PRKAG2: variants seen among roughly 807,000 people sequenced by gnomAD.
The protein encoded by PRKAG2 is protein kinase AMP-activated non-catalytic subunit gamma 2, also known as 5'-AMP-activated protein kinase subunit gamma-2.
PRKAG2 carries 26 observed loss-of-function variants against 69.6 expected under a neutral mutation model. That is an observed-to-expected ratio of 0.37 (90% CI 0.27 to 0.52). PRKAG2 has a LOEUF of 0.52. Among genes scored for constraint, PRKAG2 ranks in the 20% least tolerant of loss-of-function variants. PRKAG2 has a pLI of 0.90. For synonymous variants in PRKAG2, 293 were observed against 285.0 expected, an observed-to-expected ratio of 1.03 and a Z score of -0.28; for missense variants, 557 against 740.0, an observed-to-expected ratio of 0.75 and a Z score of 2.87.
chr7:151,873,955 GATGTAT>G (rs906797652), intron 1 of PRKAG2, among the ~76,000 whole-genome samples: 247 of 149,342 alleles, frequency 1.7e-3, no homozygotes, highest in African/African-American at 4.3e-3. Flanking sequence ...CTAGGTGTCT[GATGTAT>G]ATGTATATGT....
intron 5 of PRKAG2, among the ~76,000 whole-genome samples, chr7:151,598,106 C>G (rs966166636): frequency 1.3e-5 from 2 of 152,138 alleles, no homozygotes; most frequent in Non-Finnish European, 2.9e-5. Flanking sequence ...TACCTATAAA[C>G]AATGGAGTAC....
intron 6 of PRKAG2, among the ~76,000 whole-genome samples, chr7:151,581,033 C>A (rs1203385393): frequency 2.6e-5 from 4 of 151,972 alleles, no homozygotes; most frequent in African/African-American, 9.7e-5. Flanking sequence ...ACAATGTATG[C>A]CTGTATCAAA....
Position 151,667,762 on chromosome 7 carries a change from G to A in PRKAG2, c.684+7658C>T, listed in dbSNP as rs73481958. Among the ~76,000 whole-genome samples, 443 of 152,332 alleles carry A rather than the reference G, an allele frequency of 2.9e-3. 1 individual carries two copies. Among genetic ancestry groups the A allele is most frequent in the African/African-American group, 0.01 (427 of 41,568 alleles). On this transcript the variant is annotated intron_variant, in intron 4 of 15. Coordinates refer to ENST00000287878, the MANE Select transcript of PRKAG2 (RefSeq NM_016203.4). ...GCTGGAAAAGAGACCATGTGGAATT[G>A]AGACAAGTTAGCTGTTCCTGCCGAG... is the stretch of plus-strand genomic sequence containing the variant.
intron 4 of PRKAG2, among the ~76,000 whole-genome samples, chr7:151,656,730 C>G (rs1829472301): frequency 6.6e-6 from 1 of 152,216 alleles, no homozygotes; most frequent in Admixed American, 6.5e-5. Flanking sequence ...TGTGTTTTCT[C>G]TTTTGATGTT....
intron 6 of PRKAG2, among the ~76,000 whole-genome samples, chr7:151,576,789 C>G (rs961490642): frequency 6.6e-6 from 1 of 152,182 alleles, no homozygotes. Context: ...GCGTGAGCCA[C>G]CGCACCTGGC....
Position 151,814,863 on chromosome 7 carries a change from G to A in PRKAG2, c.115-28322C>T. ...CCCACCTGTGTCAGGCGCTGCTGGG[G>A]AGGAAACTCCTTACCACACAGCAAG... On this transcript the variant is annotated intron_variant, in intron 1 of 15. Transcript: ENST00000287878. The surrounding 1 kb of genome is among the most constrained non-coding windows in gnomAD (Gnocchi z 4.8). The A allele has an allele frequency of 8.1e-7, 1 of 1,231,786 alleles. No individual in the cohort carries two copies. The highest frequency in any genetic ancestry group is 1.0e-6 in the Non-Finnish European group (1 of 988,006). The allele number at this position is 1,231,786 out of a possible 1,614,324, so 76.3% of individuals were successfully genotyped here.
intron 1 of PRKAG2, among the ~76,000 whole-genome samples, chr7:151,791,267 T>C (rs1020393101): frequency 6.6e-6 from 1 of 152,186 alleles, no homozygotes; most frequent in Non-Finnish European, 1.5e-5. Flanking sequence ...ACTGCAACTA[T>C]GGCAACTAGA....
chr7:151,647,908 T>G (rs1827833836), intron 4 of PRKAG2, among the ~76,000 whole-genome samples: 1 of 152,196 alleles, frequency 6.6e-6, no homozygotes, highest in Admixed American at 6.5e-5. Flanking sequence ...TCAGAGGTAC[T>G]GCAGAGATAA....
At chr7:151,869,211 C>T (rs2080154830) in intron 1 of PRKAG2, among the ~76,000 whole-genome samples, 1 of 152,168 alleles carries the variant, frequency 6.6e-6, no homozygotes, top group Admixed American at 6.5e-5. Flanking sequence ...CTGGCTGCTG[C>T]TTCTGTTTAT....
chr7:151,643,004 A>G (rs765449206), intron 4 of PRKAG2, among the ~76,000 whole-genome samples: 2 of 152,260 alleles, frequency 1.3e-5, no homozygotes, highest in Non-Finnish European at 2.9e-5. Context: ...AGATATGAAG[A>G]AGGAGCTCAA....
At chr7:151,557,771 G>C (rs1207563828) in intron 15 of PRKAG2, 2 of 538,960 alleles carry the variant, frequency 3.7e-6, no homozygotes, top group Admixed American at 6.4e-5. Context: ...TTGGGAGACT[G>C]AGGCAGGAGA....
intron 1 of PRKAG2, among the ~76,000 whole-genome samples, chr7:151,830,118 GTTT>G (rs112012814): frequency 0.25 from 35,683 of 141,612 alleles, 4,776 homozygotes; most frequent in Middle Eastern, 0.29. Context: ...GTTCCACCTG[GTTT>G]TTTTTTTTTT....
At chr7:151,834,839 G>A (rs868360338) in intron 1 of PRKAG2, among the ~76,000 whole-genome samples, 72 of 152,338 alleles carry the variant, frequency 4.7e-4, no homozygotes, top group African/African-American at 7.7e-4. Context: ...CCGGAAGTCC[G>A]AGATCAAGGT....
At chr7:151,870,245 C>T (rs1205129683) in intron 1 of PRKAG2, among the ~76,000 whole-genome samples, 1 of 151,932 alleles carries the variant, frequency 6.6e-6, no homozygotes, top group South Asian at 2.1e-4. Flanking sequence ...AACAGTATTA[C>T]ACCAGGGAAG....
intron 6 of PRKAG2, among the ~76,000 whole-genome samples, chr7:151,591,360 C>T (rs1039231536): frequency 6.6e-6 from 1 of 152,276 alleles, no homozygotes; most frequent in African/African-American, 2.4e-5. Flanking sequence ...GCCATCTTCA[C>T]ACTGCACACT....
intron 3 of PRKAG2, among the ~76,000 whole-genome samples, chr7:151,717,954 C>A (rs1010877284): frequency 6.6e-6 from 1 of 152,176 alleles, no homozygotes; most frequent in Non-Finnish European, 1.5e-5. Context: ...GCCCACGCAG[C>A]ATCTTTTTAC....
intron 3 of PRKAG2, among the ~76,000 whole-genome samples, chr7:151,683,095 A>C (rs1251509903): frequency 6.6e-6 from 1 of 152,246 alleles, no homozygotes; most frequent in Non-Finnish European, 1.5e-5. Context: ...TGATTCTCCC[A>C]GGGCGGCAGC....
At chr7:151,706,550 A>G (rs1838641411) in intron 3 of PRKAG2, among the ~76,000 whole-genome samples, 1 of 152,206 alleles carries the variant, frequency 6.6e-6, no homozygotes, top group South Asian at 2.1e-4. Flanking sequence ...TCTTGCAGAA[A>G]GCCAGAGTAC....
intron 6 of PRKAG2, among the ~76,000 whole-genome samples, chr7:151,592,772 G>T (rs1184910328): frequency 6.6e-6 from 1 of 152,118 alleles, no homozygotes; most frequent in East Asian, 1.9e-4. Flanking sequence ...TATTTAACTG[G>T]TCTCTTAGGT....
Sources: allele counts gnomAD v4.1 joint callset (sites outside exome capture counted in the v4.1 genomes callset), GRCh38; gene constraint gnomAD v4.1.1; non-coding constraint Gnocchi (gnomAD v3.1); transcripts MANE v1.5; gene names NCBI Gene and HGNC (gene_info 2026-07-23, HGNC 2026-07-21).